DCHS2: variants seen among roughly 807,000 people sequenced by gnomAD.
DCHS2 encodes dachsous cadherin-related 2, also known as protocadherin-23.
A neutral mutation model predicts 182.4 loss-of-function variants in DCHS2; 142 were observed. The ratio of observed to expected loss-of-function variants is 0.78; its 90% CI spans 0.68 to 0.89. The LOEUF is 0.89. DCHS2 is among the 40% of genes least tolerant of loss of function. The pLI is 0.00. For synonymous variants in DCHS2, 1,740 were observed against 1,663.3 expected (o/e 1.05, Z -1.12); for missense variants, 4,319 against 4,198.6 (o/e 1.03, Z -0.79).
chr4:154,422,139 G>A (rs947859327), intron 1 of DCHS2, among the ~76,000 whole-genome samples: 4 of 152,082 alleles, frequency 2.6e-5, no homozygotes, highest in Non-Finnish European at 5.9e-5. Context: ...TCAACCCTAA[G>A]TGTTAGAGTC....
chr4:154,329,553 C>G lies in DCHS2; in HGVS notation c.3888G>C (p.Gln1296His). The G allele has an allele frequency of 6.2e-7, 1 of 1,613,698 alleles. No homozygotes were observed. The highest frequency in any genetic ancestry group is 8.5e-7 in the Non-Finnish European group (1 of 1,179,892). The change falls in exon 6 of 20, where the codon CAG (glutamine) becomes CAC (histidine). Residue 1296 changes from glutamine (Q) to histidine (H), a missense_variant. Physicochemically the swap from Gln to His is conservative, Grantham distance 24. Coordinates refer to ENST00000357232, the MANE Select transcript of DCHS2 (RefSeq NM_001358235.2). The stretch of plus-strand genomic sequence containing the variant: ...CGTGTAACTCCTTTCCAGGGAGACA[C>G]TGGGGGAAGAAGGGCCTGTTATCAT... ...DINDNRPFFP[Q>H]CLPGKELHVK...
intron 13 of DCHS2, among the ~76,000 whole-genome samples, chr4:154,275,797 C>A (rs913711105): frequency 6.6e-6 from 1 of 151,998 alleles, no homozygotes. Flanking sequence ...CAAAAGAAAA[C>A]ATAGTGACTG....
At chr4:154,451,944 G>A (rs375128434) in intron 1 of DCHS2, among the ~76,000 whole-genome samples, 23 of 152,162 alleles carry the variant, frequency 1.5e-4, no homozygotes, top group African/African-American at 5.6e-4. Context: ...CTCATCAAAG[G>A]GTGGTTTCAG....
chr4:154,469,125 A>G (rs1735357155), intron 1 of DCHS2, among the ~76,000 whole-genome samples: 1 of 152,200 alleles, frequency 6.6e-6, no homozygotes, highest in Non-Finnish European at 1.5e-5. Flanking sequence ...ATATGCACAG[A>G]GAAACACTGG....
intron 1 of DCHS2, chr4:154,384,437 C>T: frequency 1.9e-6 from 3 of 1,610,322 alleles, no homozygotes; most frequent in Non-Finnish European, 2.5e-6. Context: ...AGAGCTCAGT[C>T]TCGGGACTAC....
chr4:154,400,207 G>A (rs1450472737), intron 1 of DCHS2, among the ~76,000 whole-genome samples: 1 of 150,406 alleles, frequency 6.6e-6, no homozygotes, highest in Non-Finnish European at 1.5e-5. Context: ...GGAAGCTGAG[G>A]CAGGAGAATG....
intron 1 of DCHS2, chr4:154,384,586 G>T (rs1175594233): frequency 1.4e-6 from 2 of 1,469,430 alleles, no homozygotes; most frequent in African/African-American, 2.9e-5. Context: ...TATGGCAACA[G>T]ACATGATTAA....
chr4:154,239,184 A>G lies in DCHS2; in HGVS notation c.7478T>C (p.Ile2493Thr). 1.2e-6 allele frequency: 2 copies of G among 1,612,464 alleles called. No individual in the cohort carries two copies. Among genetic ancestry groups the G allele is most frequent in the Non-Finnish European group, 1.7e-6 (2 of 1,179,392 alleles). The stretch of plus-strand genomic sequence containing the variant: ...AAATAACTCACCATTCTTAGGATCA[A>G]TGGAGAATTCCTTAGAAGAGGATAG... Reference protein sequence around the residue: ...RILSSSKEFSIDPKNGTIFTI... With the variant: ...RILSSSKEFSTDPKNGTIFTI... The change falls in exon 19 of 20, where the codon ATT becomes ACT. Residue 2493 changes from isoleucine (I) to threonine (T), a missense_variant. Coordinates refer to ENST00000357232, the MANE Select transcript of DCHS2 (RefSeq NM_001358235.2).
chr4:154,466,283 A>T (rs922515725), intron 1 of DCHS2, among the ~76,000 whole-genome samples: 2 of 152,044 alleles, frequency 1.3e-5, no homozygotes, highest in African/African-American at 4.8e-5. Context: ...AAGACAGAAG[A>T]CTCCTGGATC....
intron 1 of DCHS2, among the ~76,000 whole-genome samples, chr4:154,474,022 G>A (rs1412388267): frequency 4.6e-5 from 7 of 152,210 alleles, no homozygotes; most frequent in South Asian, 2.1e-4. Context: ...TATCAGCAGG[G>A]CCATGCTCCC....
intron 1 of DCHS2, among the ~76,000 whole-genome samples, chr4:154,441,889 C>T (rs749925764): frequency 4.6e-5 from 7 of 152,028 alleles, no homozygotes; most frequent in African/African-American, 7.2e-5. Flanking sequence ...GGGCCACAGT[C>T]GATTGCATCC....
rs187639765 is a variant in DCHS2, at chr4:154,396,341, C to T, written c.2053-18897G>A. ...GAATTGAACAATTTCTGATGTCTGC[C>T]ACATGGTACAGGTTCTGCCCAGAAA... On this transcript the variant is annotated intron_variant, in intron 1 of 19. Transcript: ENST00000357232. 5.4e-3 allele frequency among the ~76,000 whole-genome samples: 814 copies of T among 152,032 alleles called. 5 individuals carry two copies. The highest frequency in any genetic ancestry group is 0.01 in the Non-Finnish European group (691 of 67,960).
chr4:154,371,302 G>A (rs1475731138), intron 2 of DCHS2, among the ~76,000 whole-genome samples: 1 of 152,096 alleles, frequency 6.6e-6, no homozygotes, highest in Non-Finnish European at 1.5e-5. Flanking sequence ...AAATTATTTG[G>A]ATGCTGCCCT....
At chr4:154,393,529 C>A (rs1420015016) in intron 1 of DCHS2, among the ~76,000 whole-genome samples, 1 of 152,190 alleles carries the variant, frequency 6.6e-6, no homozygotes, top group South Asian at 2.1e-4. Flanking sequence ...ATGTCTTCAA[C>A]ATCCCAATGT....
In DCHS2 at chr4:154,489,980, C is replaced by T; in HGVS notation, c.1376G>A (p.Gly459Asp). ...GATGCTCCCGTCTCCAAGACCCACA[C>T]CAAGCTCCCCTGTGGCCTCATCTTC... ...EKEDEATGEL[G>D]VGLGDGSISL... The change falls in exon 1 of 20, where the codon GGT (glycine) becomes GAT (aspartate). Residue 459 changes from glycine to aspartate, a missense_variant. Physicochemically the swap from Gly to Asp is moderately conservative, Grantham distance 94. Transcript: ENST00000357232. The T allele has an allele frequency of 2.6e-6, 4 of 1,549,520 alleles. No individual in the cohort carries two copies. The highest frequency in any genetic ancestry group is 3.5e-6 in the Non-Finnish European group (4 of 1,146,152).
intron 2 of DCHS2, among the ~76,000 whole-genome samples, chr4:154,367,254 A>G (rs1730426481): frequency 6.6e-6 from 1 of 152,124 alleles, no homozygotes. Flanking sequence ...AGATGTTAAC[A>G]CTGCTCTAGC....
At chr4:154,456,912 A>AT (rs976201136) in intron 1 of DCHS2, among the ~76,000 whole-genome samples, 3 of 151,830 alleles carry the variant, frequency 2.0e-5, no homozygotes, top group African/African-American at 4.8e-5. Flanking sequence ...TTGCGTTGTG[A>AT]TTTTTTCCAC....
At chr4:154,258,767 C>T (rs1408279786) in intron 15 of DCHS2, among the ~76,000 whole-genome samples, 2 of 152,116 alleles carry the variant, frequency 1.3e-5, no homozygotes, top group African/African-American at 4.8e-5. Context: ...AAACGCCTTA[C>T]CCCACCTAGC....
intron 10 of DCHS2, among the ~76,000 whole-genome samples, chr4:154,308,700 T>G (rs1207966616): frequency 2.0e-5 from 3 of 152,226 alleles, no homozygotes; most frequent in Non-Finnish European, 2.9e-5. Flanking sequence ...ATATAGTTTG[T>G]CATTAATTAT....
Sources: allele counts gnomAD v4.1 joint callset (sites outside exome capture counted in the v4.1 genomes callset), GRCh38; gene constraint gnomAD v4.1.1; transcripts MANE v1.5; gene names NCBI Gene and HGNC (gene_info 2026-07-23, HGNC 2026-07-21).